FAM110C: variants seen among roughly 807,000 people sequenced by gnomAD.
FAM110C encodes the protein family with sequence similarity 110 member C.
In FAM110C, 19 loss-of-function variants were observed where a neutral mutation model predicts 15.7. That is an observed-to-expected ratio of 1.21 (90% confidence interval 0.85 to 1.78). The LOEUF is 1.78. Among genes scored for constraint, FAM110C ranks in the 40% most tolerant of loss-of-function variants. The probability of loss-of-function intolerance (pLI) is 0.00; values close to 1 mark genes in which losing one functional copy is unlikely to be tolerated. For missense variants in FAM110C, 547 were observed against 495.7 expected (o/e 1.10, Z -0.98); for synonymous variants, 275 against 233.9 (o/e 1.18, Z -1.61).
chr2:46,186 G>GC lies in FAM110C; in HGVS notation c.199dup (p.Ala67GlyfsTer66). 1 of 1,375,060 alleles carries GC rather than the reference G, an allele frequency of 7.3e-7. No individual in the cohort carries two copies. Among genetic ancestry groups the GC allele is most frequent in the Non-Finnish European group, 9.3e-7 (1 of 1,071,164 alleles). 85.2% of individuals were successfully genotyped at this position (1,375,060 alleles called of 1,614,324 possible). The stretch of plus-strand genomic sequence containing the variant: ...AGGGTCGTTCCCCGGGCACTTGATC[G>GC]CCCCCGGGCCGCTGCCCTCGGAAGC... On this transcript the variant is annotated frameshift_variant, in exon 1 of 2. Transcript: ENST00000327669. LOFTEE classifies it high-confidence loss of function.
chr2:45,107 T>C, intron 1 of FAM110C: 1 of 985,452 alleles, frequency 1.0e-6, no homozygotes, highest in Non-Finnish European at 1.2e-6. Flanking sequence ...GTAAAACTGC[T>C]TTCTGGCAGC....
intron 1 of FAM110C, chr2:44,923 A>G: frequency 2.0e-6 from 2 of 985,416 alleles, no homozygotes; most frequent in Non-Finnish European, 2.4e-6. Flanking sequence ...ACAGGCCTCC[A>G]GGAAAGTGCA....
In FAM110C at chr2:43,258, CAT is replaced by C. The variant is rs1664175891; in HGVS notation, c.947-1633_947-1632del. 8.1e-6 allele frequency: 8 copies of C among 985,364 alleles called. No individual in the cohort carries two copies. In the South Asian group the frequency reaches 3.3e-4, roughly 41 times the overall value. 61.0% of individuals were successfully genotyped at this position (985,364 alleles called of 1,614,324 possible). A position where few individuals can be genotyped will look rare whatever the true frequency, so the allele number is the denominator to read the frequency against. ...TTATAGTGCTGGTGACTGCCAATTC[CAT>C]ATAAAAACTGGGGTAGCTTCTGTGG... On this transcript the variant is annotated intron_variant, in intron 1 of 1. Transcript: ENST00000327669.
At position 45,618 on chromosome 2, in the gene FAM110C, G is replaced by T; in HGVS notation, c.768C>A (p.Ser256=). The part of the protein sequence containing the change: ...LKVRSVSVAT[S]GSGFSRHSGG... Reference sequence around the variant, plus strand: ...CGCTGTGCCGGGAGAAGCCGCTGCCGGAGGTGGCGACGCTCACGCTGCGCA... The same window carrying T: ...CGCTGTGCCGGGAGAAGCCGCTGCCTGAGGTGGCGACGCTCACGCTGCGCA... Residue 256 remains serine (S), a synonymous_variant, in exon 1 of 2, where the codon TCC becomes TCA. Transcript: ENST00000327669. The T allele has an allele frequency of 6.2e-7, 1 of 1,613,180 alleles. No homozygotes were observed. The highest frequency in any genetic ancestry group is 8.5e-7 in the Non-Finnish European group (1 of 1,179,812).
chr2:43,855 G>T lies in FAM110C; in HGVS notation c.946+1585C>A, dbSNP rs571854196. On this transcript the variant is annotated intron_variant, in intron 1 of 1. Transcript: ENST00000327669. ...TTTTTTTTGTTTGTTTTCCATTTCT[G>T]GGTTTCAGTCATGCAACACAGATTA... The T allele has an allele frequency of 2.0e-5, 20 of 985,358 alleles. No individual in the cohort carries two copies. In the South Asian group the frequency reaches 6.1e-4, roughly 30 times the overall value. The allele number at this position is 985,358 out of a possible 1,614,324, so 61.0% of individuals were successfully genotyped here. A position where few individuals can be genotyped will look rare whatever the true frequency, so the allele number is the denominator to read the frequency against.
At position 39,388 on chromosome 2, in the gene FAM110C, G is replaced by A. The variant is rs1364341366; in HGVS notation, c.*2220C>T. 2.0e-5 allele frequency: 3 copies of A among 152,240 alleles called. No homozygotes were observed. The highest frequency in any genetic ancestry group is 7.2e-5 in the African/African-American group (3 of 41,450). 9.4% of individuals were successfully genotyped at this position (152,240 alleles called of 1,614,324 possible). On this transcript the variant is annotated 3_prime_UTR_variant, in exon 2 of 2. Transcript: ENST00000327669. ...GATCCTCCCACCTTGGCCTCCCAAA[G>A]CATTGGGATTAAAGGCATGAGCCAC...
chr2:43,675 T>A lies in FAM110C; in HGVS notation c.946+1765A>T. 6 of 985,424 alleles carry A rather than the reference T, an allele frequency of 6.1e-6. 1 individual carries two copies. The highest frequency in any genetic ancestry group is 5.2e-5 in the African/African-American group (3 of 57,338). 61.0% of individuals were successfully genotyped at this position (985,424 alleles called of 1,614,324 possible). ...GGATCAGAGCAGGCTGCTTTTATTT[T>A]TATGTTGTCAGGTTTTACTTTGGTT... On this transcript the variant is annotated intron_variant, in intron 1 of 1. Transcript: ENST00000327669.
intron 1 of FAM110C, chr2:43,427 C>A (rs1664182390): frequency 1.0e-6 from 1 of 985,416 alleles, no homozygotes; most frequent in African/African-American, 1.7e-5. Flanking sequence ...TGCCTCCATC[C>A]TTAGTGCCTT....
intron 1 of FAM110C, chr2:42,301 G>A: frequency 2.0e-6 from 2 of 985,398 alleles, no homozygotes; most frequent in Non-Finnish European, 2.4e-6. Flanking sequence ...TAAATGTGAA[G>A]ATAGCTGTGG....
Position 45,537 on chromosome 2 carries a change from G to A in FAM110C, c.849C>T (p.Thr283=). ...GGGCGTTCCTCTCGATGACCGAAGT[G>A]GTGCTGGGCACCTGCTCTATCAGCT... ...EEELIEQVPS[T]TSVIERNARI... is the part of the protein sequence containing the mutation. Residue 283 remains threonine, a synonymous_variant, in exon 1 of 2, where the codon ACC becomes ACT. Transcript: ENST00000327669. 1 of 1,614,078 alleles carries A rather than the reference G, an allele frequency of 6.2e-7. No homozygotes were observed. Among genetic ancestry groups the A allele is most frequent in the Non-Finnish European group, 8.5e-7 (1 of 1,180,012 alleles).
chr2:41,958 G>A, intron 1 of FAM110C: 1 of 985,368 alleles, frequency 1.0e-6, no homozygotes, highest in Non-Finnish European at 1.2e-6. Context: ...AACTACTACA[G>A]AGTTGGACAA....
rs1156242142 is a variant in FAM110C at position 39,861 on chromosome 2, T to A, written c.*1747A>T. ...GAATTGGGTATATGAAAAGATCCTT[T>A]AAAAAACTGCTCTCATCTTTCACAT... On this transcript the variant is annotated 3_prime_UTR_variant, in exon 2 of 2. Transcript: ENST00000327669. 1 of 152,258 alleles carries A rather than the reference T, an allele frequency of 6.6e-6. No homozygotes were observed. The highest frequency in any genetic ancestry group is 1.5e-5 in the Non-Finnish European group (1 of 68,038). 9.4% of individuals were successfully genotyped at this position (152,258 alleles called of 1,614,324 possible).
Position 44,766 on chromosome 2 carries a change from T to C in FAM110C, c.946+674A>G, listed in dbSNP as rs78542634. ...TCAGAGGCAAATAAACTATAGACTC[T>C]AGTTACAATCTAGTCCAATTTCCCC... On this transcript the variant is annotated intron_variant, in intron 1 of 1. Transcript: ENST00000327669. The C allele has an allele frequency of 1.1e-3, 1,120 of 985,420 alleles. 12 individuals are homozygous for C. In the African/African-American group the frequency reaches 0.018, roughly 16 times the overall value. 61.0% of individuals were successfully genotyped at this position (985,420 alleles called of 1,614,324 possible). A position where few individuals can be genotyped will look rare whatever the true frequency, so the allele number is the denominator to read the frequency against.
rs1664069893 is a variant in FAM110C, at chr2:39,398, T to TAAAG, written c.*2206_*2209dup. ...CCTTGGCCTCCCAAAGCATTGGGAT[T>TAAAG]AAAGGCATGAGCCACCGCCCCTGGC... On this transcript the variant is annotated 3_prime_UTR_variant, in exon 2 of 2. Coordinates refer to ENST00000327669, the MANE Select transcript of FAM110C (RefSeq NM_001077710.3). 1.3e-5 allele frequency: 2 copies of TAAAG among 152,228 alleles called. No homozygotes were observed. The highest frequency in any genetic ancestry group is 4.1e-4 in the South Asian group (2 of 4,834). The allele number at this position is 152,228 out of a possible 1,614,324, so 9.4% of individuals were successfully genotyped here.
Position 39,302 on chromosome 2 carries a change from C to G in FAM110C, c.*2306G>C, listed in dbSNP as rs1664067271. ...AGAGACAGGGTCTTGCTCTGTCACT[C>G]AGGCTGGAGTGCAGTGGTGCAATCA... On this transcript the variant is annotated 3_prime_UTR_variant, in exon 2 of 2. Coordinates refer to ENST00000327669, the MANE Select transcript of FAM110C (RefSeq NM_001077710.3). 1 of 152,142 alleles carries G rather than the reference C, an allele frequency of 6.6e-6. No homozygotes were observed. Among genetic ancestry groups the G allele is most frequent in the Admixed American group, 6.5e-5 (1 of 15,278 alleles). The allele number at this position is 152,142 out of a possible 1,614,324, so 9.4% of individuals were successfully genotyped here.
chr2:45,970 C>CGG lies in FAM110C; in HGVS notation c.414_415dup (p.Arg139ProfsTer55). On this transcript the variant is annotated frameshift_variant, in exon 1 of 2. Transcript: ENST00000327669. LOFTEE classifies it high-confidence loss of function. ...CCCGGCCTTGCCCTCGTCTCCCGTC[C>CGG]GGGGCACCGGCGCCTTGTCCTTACC... The CGG allele has an allele frequency of 6.9e-7, 1 of 1,449,524 alleles. No individual in the cohort carries two copies. The highest frequency in any genetic ancestry group is 1.5e-5 in the South Asian group (1 of 68,730). The allele number at this position is 1,449,524 out of a possible 1,614,324, so 89.8% of individuals were successfully genotyped here.
At chr2:43,787 A>C in intron 1 of FAM110C, 1 of 985,340 alleles carries the variant, frequency 1.0e-6, no homozygotes, top group Non-Finnish European at 1.2e-6. Flanking sequence ...ACCTGGAGGG[A>C]GCTTATTCAT....
intron 1 of FAM110C, chr2:44,730 C>T (rs1396306288): frequency 2.0e-6 from 2 of 985,280 alleles, no homozygotes; most frequent in Non-Finnish European, 2.4e-6. Context: ...AGGTTACTTC[C>T]TGTAGTGTCA....
rs755788735 is a variant in FAM110C at position 41,583 on chromosome 2, C to T, written c.*25G>A. The T allele has an allele frequency of 1.2e-6, 2 of 1,613,628 alleles. No individual in the cohort carries two copies. Among genetic ancestry groups the T allele is most frequent in the East Asian group, 2.2e-5 (1 of 44,848 alleles). ...AATGGTCCTGGGATCCCAAATCACC[C>T]ATGAAATCCTTCAAGAAGTCTTCAT... On this transcript the variant is annotated 3_prime_UTR_variant, in exon 2 of 2. Coordinates refer to ENST00000327669, the MANE Select transcript of FAM110C (RefSeq NM_001077710.3).
Sources: gnomAD v4.1 joint callset for allele counts on GRCh38, gnomAD v4.1.1 for gene constraint, MANE v1.5 for transcripts, NCBI Gene and HGNC (gene_info 2026-07-23, HGNC 2026-07-21) for gene names.